CABIN1: variants seen among roughly 807,000 people sequenced by gnomAD.
The protein encoded by CABIN1 is calcineurin binding protein 1.
A neutral mutation model predicts 227.7 loss-of-function variants in CABIN1; 133 were observed. The observed-to-expected ratio is 0.58, with a 90% CI of 0.51 to 0.67. The LOEUF is 0.67. Ranked by LOEUF, CABIN1 falls within the 30% of genes least tolerant of loss-of-function variation. The probability of loss-of-function intolerance (pLI) is 0.00; values close to 1 mark genes in which losing one functional copy is unlikely to be tolerated. For missense variants in CABIN1, 2,408 were observed against 2,852.5 expected (o/e 0.84, Z 3.55); for synonymous variants, 1,086 against 1,155.1 (o/e 0.94, Z 1.21).
intron 23 of CABIN1, 82 bp from the exon 24 acceptor site, chr22:24,091,501 G>A (rs144089550): frequency 8.9e-6 from 14 of 1,569,576 alleles, no homozygotes; most frequent in African/African-American, 4.0e-5. Flanking sequence ...CAAATAGGTC[G>A]GCAGAGCTTT....
Position 24,049,074 on chromosome 22 carries a change from G to T in CABIN1, c.527-17G>T. 1 of 1,613,524 alleles carries T rather than the reference G, an allele frequency of 6.2e-7. No individual in the cohort carries two copies. Among genetic ancestry groups the T allele is most frequent in the Non-Finnish European group, 8.5e-7 (1 of 1,179,862 alleles). Reference sequence around the variant, plus strand: ...AGTGCGGTCTCAGAAGTCATAAACTGTCTCTTTCCCCGCCAGCATGTCTGT... The same window carrying T: ...AGTGCGGTCTCAGAAGTCATAAACTTTCTCTTTCCCCGCCAGCATGTCTGT... On this transcript the variant is annotated splice_polypyrimidine_tract_variant and intron_variant, in intron 6 of 36. Transcript: ENST00000263119.
intron 19 of CABIN1, among the ~76,000 whole-genome samples, chr22:24,080,961 C>A (rs554610276): frequency 6.6e-6 from 1 of 152,120 alleles, no homozygotes; most frequent in South Asian, 2.1e-4. Context: ...GTCACCAAAG[C>A]TTTTCCTGTA....
intron 25 of CABIN1, among the ~76,000 whole-genome samples, chr22:24,097,448 A>G (rs1419126993): frequency 6.6e-6 from 1 of 152,230 alleles, no homozygotes; most frequent in African/African-American, 2.4e-5. Context: ...GGTCTGGGCA[A>G]CAGTCCATGG....
chr22:24,038,971 G>A (rs1336725307), intron 4 of CABIN1, among the ~76,000 whole-genome samples: 1 of 152,188 alleles, frequency 6.6e-6, no homozygotes, highest in Non-Finnish European at 1.5e-5. Flanking sequence ...AGAAGGACTG[G>A]GGACACTGGT....
intron 34 of CABIN1, among the ~76,000 whole-genome samples, chr22:24,173,994 T>G (rs951909597): frequency 7.9e-5 from 12 of 152,006 alleles, no homozygotes; most frequent in East Asian, 5.8e-4. Flanking sequence ...ATGGGTTTTT[T>G]TTTTTTTTTT....
intron 11 of CABIN1, 74 bp from the exon 12 acceptor site, chr22:24,059,850 C>T: frequency 1.5e-6 from 2 of 1,300,940 alleles, no homozygotes; most frequent in Non-Finnish European, 2.2e-6. Context: ...TCTTTACTGT[C>T]CCAAAGTAAA....
intron 5 of CABIN1, among the ~76,000 whole-genome samples, chr22:24,042,111 C>T (rs1030073178): frequency 3.3e-5 from 5 of 152,174 alleles, no homozygotes; most frequent in Admixed American, 6.5e-5. Context: ...ACCACCACCA[C>T]ACCCAGCTAA....
At chr22:24,043,969 A>C (rs1311150037) in intron 6 of CABIN1, among the ~76,000 whole-genome samples, 1 of 152,192 alleles carries the variant, frequency 6.6e-6, no homozygotes, top group Non-Finnish European at 1.5e-5. Context: ...TGGGTCCCAA[A>C]ACTTAGCAAA....
intron 26 of CABIN1, among the ~76,000 whole-genome samples, chr22:24,099,617 C>A (rs891008043): frequency 2.0e-5 from 3 of 152,182 alleles, no homozygotes; most frequent in African/African-American, 7.2e-5. Flanking sequence ...TCACCCTGTT[C>A]CCAAACTTTT....
intron 1 of CABIN1, among the ~76,000 whole-genome samples, chr22:24,023,370 G>A (rs1019233293): frequency 2.6e-5 from 4 of 152,160 alleles, no homozygotes; most frequent in African/African-American, 9.7e-5. Flanking sequence ...ACAAGTATCT[G>A]TTCAAGTCCT....
rs754974876 is a variant in CABIN1 at position 24,056,264 on chromosome 22, C to G, written c.1166C>G (p.Thr389Arg). 5.0e-6 allele frequency: 8 copies of G among 1,613,836 alleles called. No individual in the cohort carries two copies. In the South Asian group the frequency reaches 7.7e-5, roughly 16 times the overall value. The change falls in exon 10 of 37, where the codon ACA becomes AGA. Residue 389 changes from threonine (T) to arginine (R), a missense_variant. By Grantham distance (71) the Thr-to-Arg change is moderately conservative. Transcript: ENST00000263119. ...RKKISEESGE[T>R]AKRRSARVRN... is the part of the protein sequence containing the mutation. ...AAGATTTCAGAAGAGAGTGGAGAAACAGCAAAGCGGCGGTCTGCCCGTGTC... is the reference window on the plus strand; with the variant it reads ...AAGATTTCAGAAGAGAGTGGAGAAAGAGCAAAGCGGCGGTCTGCCCGTGTC...
chr22:24,058,139 C>T (rs1275409812), intron 10 of CABIN1, among the ~76,000 whole-genome samples: 1 of 152,176 alleles, frequency 6.6e-6, no homozygotes, highest in Non-Finnish European at 1.5e-5. Flanking sequence ...TCAAGGGATC[C>T]TCCTGAATAC....
In CABIN1 at chr22:24,036,158, A is replaced by G; in HGVS notation, c.73A>G (p.Lys25Glu). 6 of 1,613,288 alleles carry G rather than the reference A, an allele frequency of 3.7e-6. No homozygotes were observed. The highest frequency in any genetic ancestry group is 5.1e-6 in the Non-Finnish European group (6 of 1,179,418). The change falls in exon 3 of 37, where the codon AAA becomes GAA. Residue 25 changes from lysine to glutamate, a missense_variant. Transcript: ENST00000263119. ...TCATGAAGGAAGCTTTAAAAGTCAC[A>G]AAACCCAGACAAAGGAGGCTCAGGT... ...DDHEGSFKSHKTQTKEAQEAE... is the reference protein window; with the variant it reads ...DDHEGSFKSHETQTKEAQEAE...
intron 27 of CABIN1, among the ~76,000 whole-genome samples, chr22:24,114,995 A>T (rs150343064): frequency 6.6e-6 from 1 of 152,264 alleles, no homozygotes; most frequent in East Asian, 1.9e-4. Flanking sequence ...GGCAGTCACT[A>T]TGCAGTCGCC....
chr22:24,128,756 G>A (rs2043886390), intron 28 of CABIN1, among the ~76,000 whole-genome samples: 1 of 152,226 alleles, frequency 6.6e-6, no homozygotes, highest in African/African-American at 2.4e-5. Context: ...TAGGTGAAGG[G>A]CTGAACACAG....
At chr22:24,142,960 T>G (rs1315232991) in intron 29 of CABIN1, among the ~76,000 whole-genome samples, 5 of 152,102 alleles carry the variant, frequency 3.3e-5, no homozygotes. Context: ...TGCTTGTCCC[T>G]TTGCTCACAC....
chr22:24,065,623 A>G (rs1421896002), intron 15 of CABIN1, among the ~76,000 whole-genome samples: 3 of 152,292 alleles, frequency 2.0e-5, no homozygotes, highest in South Asian at 2.1e-4. Context: ...AGAGGCTGCA[A>G]TCTCGGCACT....
intron 22 of CABIN1, among the ~76,000 whole-genome samples, chr22:24,086,048 C>G (rs2147103754): frequency 6.6e-6 from 1 of 152,326 alleles, no homozygotes; most frequent in East Asian, 1.9e-4. Context: ...AGTGGAAAAG[C>G]CAGTTTGCAA....
In CABIN1 at chr22:24,036,133, T is replaced by A. The variant is rs373051930; in HGVS notation, c.48T>A (p.Asp16Glu). The change falls in exon 3 of 37, where the codon GAT becomes GAA. Residue 16 changes from aspartate to glutamate, a missense_variant. This residue lies in a region of CABIN1 where 1,045 missense variants were observed against 1,168.4 expected (regional missense o/e 0.89). Transcript: ENST00000263119. ...ALNASSTIEDDHEGSFKSHKT... is the reference protein window; with the variant it reads ...ALNASSTIEDEHEGSFKSHKT... ...ATGCCAGCTCCACCATTGAGGATGATCATGAAGGAAGCTTTAAAAGTCACA... is the reference window on the plus strand; with the variant it reads ...ATGCCAGCTCCACCATTGAGGATGAACATGAAGGAAGCTTTAAAAGTCACA... 7 of 1,613,756 alleles carry A rather than the reference T, an allele frequency of 4.3e-6. No individual in the cohort carries two copies. The African/African-American group carries it at 9.3e-5, about 22-fold the overall frequency.
Sources: gnomAD v4.1 joint callset for allele counts (sites outside exome capture counted in the v4.1 genomes callset) on GRCh38, gnomAD v4.1.1 for gene constraint, gnomAD v4.1.1 regional missense constraint, MANE v1.5 for transcripts, NCBI Gene and HGNC (gene_info 2026-07-23, HGNC 2026-07-21) for gene names.